Variants in TMEM276 observed in about 807,000 individuals in gnomAD.
TMEM276 encodes transmembrane protein 276.
chr8:144,463,883 G>A, the TMEM276 span: 8 of 1,386,416 alleles, frequency 5.8e-6, no homozygotes, highest in African/African-American at 2.9e-5. Context: ...ATCCACAACC[G>A]TGTCCAGCCC....
At chr8:144,466,474 G>A in the TMEM276 span, 33 of 1,346,022 alleles carry the variant, frequency 2.5e-5, no homozygotes, top group East Asian at 4.7e-4. Flanking sequence ...CTTCCGCAGG[G>A]ATGGTGGCGC....
At chr8:144,464,870 G>A in the TMEM276 span, 2 of 1,612,736 alleles carry the variant, frequency 1.2e-6, no homozygotes, top group South Asian at 2.2e-5. Context: ...GGACAGGGCT[G>A]TGCTCCACTC....
the TMEM276 span, chr8:144,464,437 G>C: frequency 1.2e-6 from 2 of 1,612,184 alleles, no homozygotes; most frequent in South Asian, 2.2e-5. Flanking sequence ...GAGCAGGTTG[G>C]CAGAGGAGCG....
At chr8:144,464,002 C>T in the TMEM276 span, 2 of 1,519,776 alleles carry the variant, frequency 1.3e-6, no homozygotes, top group Middle Eastern at 2.2e-4. Context: ...CCTGACCAGT[C>T]AATGTGCAGC....
At chr8:144,464,657 G>A in the TMEM276 span, 10 of 1,577,722 alleles carry the variant, frequency 6.3e-6, no homozygotes, top group Admixed American at 1.4e-4. Context: ...AAGAGGCCGG[G>A]GTCACCCTTT....
At chr8:144,466,022 ATGGGCGGGGCTGAG>A in the TMEM276 span, 1 of 770 alleles carries the variant, frequency 1.3e-3, no homozygotes, top group Non-Finnish European at 3.6e-3. Flanking sequence ...CGGGGCTGAG[ATGGGCGGGGCTGAG>A]ATGGGCGGGG....
At chr8:144,466,282 G>T in the TMEM276 span, 5 of 219,662 alleles carry the variant, frequency 2.3e-5, no homozygotes, top group Admixed American at 5.9e-5. Context: ...CCCCGCGCTC[G>T]CCTTCCAGCC....
the TMEM276 span, chr8:144,464,100 G>C: frequency 4.0e-5 from 63 of 1,589,544 alleles, no homozygotes; most frequent in Non-Finnish European, 5.1e-5. Context: ...CGGCAGGGCA[G>C]AAACCCTGCC....
the TMEM276 span, chr8:144,464,337 GACC>G: frequency 1.9e-6 from 3 of 1,612,104 alleles, no homozygotes; most frequent in East Asian, 6.7e-5. Context: ...TGGTCACTGC[GACC>G]ACCAACAGCA....
chr8:144,463,947 G>A, the TMEM276 span: 12 of 1,479,432 alleles, frequency 8.1e-6, no homozygotes, highest in Non-Finnish European at 8.9e-6. Flanking sequence ...TTCTGGTCTA[G>A]ACAAGTCCCC....
At chr8:144,464,967 A>G in the TMEM276 span, 4 of 1,576,984 alleles carry the variant, frequency 2.5e-6, no homozygotes, top group Non-Finnish European at 2.6e-6. Flanking sequence ...AGAGGAAGGA[A>G]GCGCAGAAGC....
At chr8:144,466,402 C>T in the TMEM276 span, 3 of 1,202,496 alleles carry the variant, frequency 2.5e-6, no homozygotes, top group Non-Finnish European at 2.2e-6. Flanking sequence ...GCGGGGCCCT[C>T]TGCCGCCCCG....
chr8:144,465,110 G>T, the TMEM276 span: 3 of 1,462,876 alleles, frequency 2.1e-6, no homozygotes, highest in Middle Eastern at 1.8e-4. Flanking sequence ...TGGAGAAGAA[G>T]AACCTAATTC....
the TMEM276 span, chr8:144,464,834 A>G: frequency 6.2e-7 from 1 of 1,612,814 alleles, no homozygotes; most frequent in Non-Finnish European, 8.5e-7. Context: ...GGCTGCGTGC[A>G]GAGACACCAC....
At chr8:144,464,668 T>C in the TMEM276 span, 2 of 1,573,240 alleles carry the variant, frequency 1.3e-6, no homozygotes, top group Non-Finnish European at 1.7e-6. Flanking sequence ...GTCACCCTTT[T>C]AAACAGGAAA....
the TMEM276 span, chr8:144,466,887 C>G: frequency 9.7e-6 from 15 of 1,542,962 alleles, no homozygotes; most frequent in Non-Finnish European, 1.3e-5. Flanking sequence ...GCCGGGACCT[C>G]CCAGGGAGGG....
chr8:144,464,053 A>G, the TMEM276 span: 1 of 1,549,924 alleles, frequency 6.5e-7, no homozygotes, highest in South Asian at 1.2e-5. Flanking sequence ...CCCTAGGGAG[A>G]AGGCGCCAGG....
At chr8:144,466,952 C>A in the TMEM276 span, 2 of 1,590,200 alleles carry the variant, frequency 1.3e-6, no homozygotes, top group Non-Finnish European at 1.7e-6. Flanking sequence ...TCCTCCCTGA[C>A]CGGCAGCCAG....
the TMEM276 span, chr8:144,463,987 C>G: frequency 1.3e-6 from 2 of 1,512,562 alleles, no homozygotes; most frequent in African/African-American, 2.8e-5. Flanking sequence ...CACCCAGACT[C>G]TGCCCCTGAC....
Sources: gnomAD v4.1 joint callset for allele counts on GRCh38, gnomAD v4.1.1 for gene constraint, MANE v1.5 for transcripts, NCBI Gene and HGNC (gene_info 2026-07-23, HGNC 2026-07-21) for gene names.